EVL: variants seen among roughly 807,000 people sequenced by gnomAD.
EVL encodes ena/VASP-like protein.
A neutral mutation model predicts 59.6 loss-of-function variants in EVL; 21 were observed. That is an observed-to-expected ratio of 0.35 (90% CI 0.25 to 0.51). The LOEUF is 0.51. EVL is among the 20% of genes least tolerant of loss of function. The pLI is 0.97. For missense variants in EVL, 462 were observed against 546.6 expected, an observed-to-expected ratio of 0.85 and a Z score of 1.54; for synonymous variants, 198 against 203.5, an observed-to-expected ratio of 0.97 and a Z score of 0.23.
chr14:100,110,903 T>C (rs1444689942), intron 3 of EVL, among the ~76,000 whole-genome samples: 1 of 152,116 alleles, frequency 6.6e-6, no homozygotes, highest in African/African-American at 2.4e-5. Context: ...TTGAGATAGG[T>C]GGTGGTTCAT....
intron 5 of EVL, 66 bp downstream of exon 5, chr14:100,126,837 A>G (rs1888105184): frequency 2.0e-6 from 3 of 1,530,566 alleles, no homozygotes; most frequent in Admixed American, 1.7e-5. Context: ...CTCCACGTAG[A>G]TGAGGCCCAG....
intron 1 of EVL, among the ~76,000 whole-genome samples, chr14:100,048,675 GC>G (rs1481530146): frequency 6.6e-6 from 1 of 152,132 alleles, no homozygotes; most frequent in Non-Finnish European, 1.5e-5. Context: ...ACTGTGAACA[GC>G]CCAAATGTCC....
At chr14:100,017,366 A>G (rs1595565185) in intron 1 of EVL, among the ~76,000 whole-genome samples, 1 of 152,364 alleles carries the variant, frequency 6.6e-6, no homozygotes, top group African/African-American at 2.4e-5. Context: ...TTGAGCAGAC[A>G]GGATACTTCC....
chr14:100,059,279 A>G (rs2061782807), intron 1 of EVL, among the ~76,000 whole-genome samples: 2 of 152,350 alleles, frequency 1.3e-5, no homozygotes, highest in South Asian at 4.1e-4. Flanking sequence ...ACACCATGAG[A>G]AGCCCCTGGC....
upstream of EVL, among the ~76,000 whole-genome samples, chr14:100,064,502 C>T (rs2061891672): frequency 6.6e-6 from 1 of 152,208 alleles, no homozygotes. Flanking sequence ...GCCAAGTTTC[C>T]AGTATTCCTC....
exon 1 of EVL, chr14:99,971,987 C>CG (rs2060736136): frequency 7.7e-6 from 1 of 129,872 alleles, no homozygotes; most frequent in African/African-American, 3.9e-5. Context: ...GCGTCCCGCG[C>CG]CCCGCCGCCG....
intron 1 of EVL, among the ~76,000 whole-genome samples, chr14:100,040,728 G>GT (rs1380900741): frequency 6.6e-6 from 1 of 152,180 alleles, no homozygotes; most frequent in Non-Finnish European, 1.5e-5. Context: ...TTTATTGCCT[G>GT]TGTTTTTGGT....
At chr14:100,137,389 A>C (rs1888865801) in intron 9 of EVL, 189 bp from the exon 10 acceptor site, 1 of 617,346 alleles carries the variant, frequency 1.6e-6, no homozygotes, top group Non-Finnish European at 2.9e-6. Flanking sequence ...GTCAGGGTCA[A>C]CCTGACCTAG....
intron 3 of EVL, among the ~76,000 whole-genome samples, chr14:100,117,605 A>G (rs1364815532): frequency 6.6e-6 from 1 of 152,202 alleles, no homozygotes; most frequent in Non-Finnish European, 1.5e-5. Flanking sequence ...CAGCTTTCTT[A>G]CGGGTAGAGT....
At position 100,074,394 on chromosome 14, in the gene EVL, G is replaced by A. The variant is rs185364159; in HGVS notation, c.11+8883G>A. 7.9e-5 allele frequency: 12 copies of A among 152,196 alleles called. No individual in the cohort carries two copies. In the East Asian group the frequency reaches 1.7e-3, roughly 22 times the overall value. The allele number at this position is 152,196 out of a possible 1,614,324, so 9.4% of individuals were successfully genotyped here. ...TCCTTTTTCAAGATAGTATCTGCTG[G>A]GTGCTAATCATGTTTAGTAAACTGC... On this transcript the variant is annotated intron_variant, in intron 1 of 13. Coordinates refer to ENST00000392920, the MANE Select transcript of EVL (RefSeq NM_016337.3).
chr14:100,005,568 T>G (rs1180209610), intron 1 of EVL, among the ~76,000 whole-genome samples: 1 of 148,444 alleles, frequency 6.7e-6, no homozygotes, highest in African/African-American at 2.5e-5. Flanking sequence ...AGAAGAAAAC[T>G]CTCGCTCAAA....
intron 11 of EVL, chr14:100,140,052 GAGA>G: frequency 6.6e-6 from 1 of 151,510 alleles, no homozygotes; most frequent in Non-Finnish European, 1.5e-5. Context: ...CCAGGACTTG[GAGA>G]CCAGTCTGGG....
intron 1 of EVL, among the ~76,000 whole-genome samples, chr14:99,975,504 CT>C (rs1274580536): frequency 2.0e-5 from 3 of 152,124 alleles, no homozygotes; most frequent in African/African-American, 7.2e-5. Flanking sequence ...CAGTTCACAA[CT>C]TTTTTGGCAC....
intron 1 of EVL, among the ~76,000 whole-genome samples, chr14:99,980,602 C>T (rs1002266788): frequency 6.6e-6 from 1 of 152,196 alleles, no homozygotes; most frequent in Admixed American, 6.5e-5. Context: ...GTCTCCATTT[C>T]TCACCCTTAG....
intron 13 of EVL, 44 bp downstream of exon 13, chr14:100,141,837 G>C: frequency 6.3e-7 from 1 of 1,590,652 alleles, no homozygotes; most frequent in Middle Eastern, 1.9e-4. Flanking sequence ...AGGTGTGGCC[G>C]CAGGACAAGG....
At chr14:100,002,816 G>A (rs994381519) in intron 1 of EVL, among the ~76,000 whole-genome samples, 1 of 152,082 alleles carries the variant, frequency 6.6e-6, no homozygotes, top group Non-Finnish European at 1.5e-5. Flanking sequence ...TCCATAAAAA[G>A]GTGAAAACCT....
At chr14:100,002,328 A>G (rs1428337752) in intron 1 of EVL, among the ~76,000 whole-genome samples, 1 of 152,202 alleles carries the variant, frequency 6.6e-6, no homozygotes, top group Non-Finnish European at 1.5e-5. Context: ...AAGAGGACCA[A>G]AAGGAGACAA....
intron 1 of EVL, among the ~76,000 whole-genome samples, chr14:100,043,479 G>A (rs781507112): frequency 1.3e-5 from 2 of 150,134 alleles, no homozygotes; most frequent in Admixed American, 6.7e-5. Context: ...TGGGGGTGGG[G>A]TGGGGTGAGG....
chr14:100,110,854 CT>C (rs537932672), intron 3 of EVL, among the ~76,000 whole-genome samples: 71 of 152,328 alleles, frequency 4.7e-4, no homozygotes, highest in African/African-American at 1.7e-3. Context: ...TTTTAGTCTT[CT>C]GTAGATACAG....
Sources: gnomAD v4.1 joint callset for allele counts (sites outside exome capture counted in the v4.1 genomes callset) on GRCh38, gnomAD v4.1.1 for gene constraint, MANE v1.5 for transcripts, NCBI Gene and HGNC (gene_info 2026-07-23, HGNC 2026-07-21) for gene names.